The following PCSK5 variants were observed in gnomAD, a reference collection of about 807,000 sequenced individuals.
PCSK5 encodes the protein prohormone convertase 5.
In PCSK5, 129 loss-of-function variants were observed where a neutral mutation model predicts 233.2. The observed-to-expected ratio is 0.55, with a 90% CI of 0.48 to 0.64. PCSK5 has a LOEUF of 0.64. Among genes scored for constraint, PCSK5 ranks in the 30% least tolerant of loss-of-function variants. The pLI, the probability that PCSK5 is intolerant of heterozygous loss-of-function variation, is 0.00. For missense variants in PCSK5, 2,076 were observed against 2,430.1 expected, an observed-to-expected ratio of 0.85 and a Z score of 3.06; for synonymous variants, 825 against 879.2, an observed-to-expected ratio of 0.94 and a Z score of 1.09.
At chr9:76,019,260 C>CT (rs34354774) in intron 3 of PCSK5, among the ~76,000 whole-genome samples, 106,597 of 149,160 alleles carry the variant, frequency 0.71, 38,421 homozygotes, top group African/African-American at 0.83. Flanking sequence ...AATATCAATT[C>CT]TTTTTTTTTT....
intron 32 of PCSK5, 95 bp from the exon 33 acceptor site, chr9:76,327,914 A>G: frequency 7.6e-6 from 6 of 790,080 alleles, no homozygotes; most frequent in Non-Finnish European, 1.4e-5. Context: ...AAGAAATGTG[A>G]AAGGAATGTG....
At chr9:76,041,617 G>A (rs1042266765) in intron 5 of PCSK5, among the ~76,000 whole-genome samples, 22 of 152,132 alleles carry the variant, frequency 1.4e-4, no homozygotes, top group Non-Finnish European at 2.5e-4. Flanking sequence ...CAAGGCGGGC[G>A]GATCACGAGG....
chr9:75,962,749 T>G (rs1825409255), intron 2 of PCSK5, among the ~76,000 whole-genome samples: 1 of 152,156 alleles, frequency 6.6e-6, no homozygotes, highest in African/African-American at 2.4e-5. Flanking sequence ...CATCAGTGAA[T>G]TCACTGATGT....
intron 5 of PCSK5, among the ~76,000 whole-genome samples, chr9:76,063,056 T>C (rs189407640): frequency 6.6e-6 from 1 of 152,284 alleles, no homozygotes; most frequent in East Asian, 1.9e-4. Context: ...TATTTGTCTT[T>C]CTGCTCCTGG....
intron 5 of PCSK5, among the ~76,000 whole-genome samples, chr9:76,063,353 A>G (rs1193357360): frequency 7.1e-5 from 3 of 42,210 alleles, no homozygotes; most frequent in Admixed American, 3.0e-4. Flanking sequence ...TTTTTTATTG[A>G]TAATTCTTGG....
intron 3 of PCSK5, among the ~76,000 whole-genome samples, chr9:76,015,482 A>C (rs1827911280): frequency 6.6e-6 from 1 of 152,192 alleles, no homozygotes; most frequent in Non-Finnish European, 1.5e-5. Context: ...TTTATTATGA[A>C]CTTTAAAGAT....
chr9:76,167,765 C>G (rs377493903), intron 12 of PCSK5, among the ~76,000 whole-genome samples: 1 of 152,140 alleles, frequency 6.6e-6, no homozygotes. Flanking sequence ...TTATAACCAC[C>G]AGTTTGTCTG....
At chr9:76,296,403 C>A (rs73464550) in intron 26 of PCSK5, among the ~76,000 whole-genome samples, 2,437 of 152,218 alleles carry the variant, frequency 0.016, 57 homozygotes, top group African/African-American at 0.053. Context: ...ATAAGCCGTG[C>A]GTGGTGACAC....
At position 75,911,943 on chromosome 9, in the gene PCSK5, A is replaced by G. The variant is rs552474624; in HGVS notation, c.193-20436A>G. Among the ~76,000 whole-genome samples, 9 of 152,316 alleles carry G rather than the reference A, an allele frequency of 5.9e-5. No homozygotes were observed. In the East Asian group the frequency reaches 1.7e-3, roughly 29 times the overall value. On this transcript the variant is annotated intron_variant, in intron 1 of 37. Transcript: ENST00000674117. ...TTCAAGAGGTAGAGATATATATTTCATCTCTTGATAGAAGGAGTTGCATAG... is the reference window on the plus strand; with the variant it reads ...TTCAAGAGGTAGAGATATATATTTCGTCTCTTGATAGAAGGAGTTGCATAG...
intron 9 of PCSK5, among the ~76,000 whole-genome samples, chr9:76,120,239 T>A (rs1216794229): frequency 1.3e-5 from 2 of 152,216 alleles, no homozygotes; most frequent in East Asian, 3.9e-4. Flanking sequence ...TTTATGAGGA[T>A]CTCCTTTAGC....
chr9:76,258,280 G>C (rs953878186), intron 24 of PCSK5, among the ~76,000 whole-genome samples: 1 of 152,106 alleles, frequency 6.6e-6, no homozygotes, highest in Non-Finnish European at 1.5e-5. Flanking sequence ...CTAGTAACCT[G>C]GATCTTCCAC....
intron 17 of PCSK5, among the ~76,000 whole-genome samples, chr9:76,187,442 C>T (rs1824158846): frequency 6.6e-6 from 1 of 151,878 alleles, no homozygotes; most frequent in Non-Finnish European, 1.5e-5. Flanking sequence ...GATCATAGCT[C>T]ACTCAAACTC....
At chr9:76,340,321 C>A (rs1449369561) in intron 35 of PCSK5, among the ~76,000 whole-genome samples, 2 of 152,058 alleles carry the variant, frequency 1.3e-5, no homozygotes, top group Admixed American at 6.6e-5. Context: ...TTCCTAATGT[C>A]TTTTTGCAAA....
chr9:76,255,510 A>G (rs977058321), intron 24 of PCSK5, among the ~76,000 whole-genome samples: 8 of 152,156 alleles, frequency 5.3e-5, no homozygotes, highest in Admixed American at 2.0e-4. Flanking sequence ...TCTTCAATGT[A>G]ATTCTCTCTG....
chr9:76,323,351 C>T lies in PCSK5; in HGVS notation c.4339+63C>T, dbSNP rs1342582167. ...TGCATAGTTCCAGCCCCAGCCCCAG[C>T]GCCAGAGCTGTCATCTCAATCTTTT... is the stretch of plus-strand genomic sequence containing the variant. On this transcript the variant is annotated intron_variant, in intron 32 of 37. Coordinates refer to ENST00000674117, the MANE Select transcript of PCSK5 (RefSeq NM_001372043.1). The T allele has an allele frequency of 8.9e-5, 82 of 926,030 alleles. 1 individual carries two copies. The highest frequency in any genetic ancestry group is 8.5e-4 in the Admixed American group (36 of 42,224). 57.4% of individuals were successfully genotyped at this position (926,030 alleles called of 1,614,324 possible). A position where few individuals can be genotyped will look rare whatever the true frequency, so the allele number is the denominator to read the frequency against.
intron 1 of PCSK5, among the ~76,000 whole-genome samples, chr9:75,921,743 T>A (rs1276496717): frequency 1.3e-5 from 2 of 152,238 alleles, no homozygotes; most frequent in Non-Finnish European, 2.9e-5. Context: ...TAAATGCTCT[T>A]ATCTGAGGAC....
At chr9:76,025,798 C>T (rs1050043290) in intron 4 of PCSK5, among the ~76,000 whole-genome samples, 4 of 152,126 alleles carry the variant, frequency 2.6e-5, no homozygotes, top group Non-Finnish European at 5.9e-5. Flanking sequence ...TTGAAGTAAG[C>T]ATTCATTAAG....
At chr9:76,339,882 C>T (rs1003591277) in intron 35 of PCSK5, among the ~76,000 whole-genome samples, 15 of 152,012 alleles carry the variant, frequency 9.9e-5, no homozygotes, top group Non-Finnish European at 1.6e-4. Flanking sequence ...TAAGATTTTC[C>T]CAGCAGTCCC....
Position 76,328,173 on chromosome 9 carries a change from T to C in PCSK5, c.4504T>C (p.Cys1502Arg). Residue 1502 changes from cysteine (C) to arginine (R), a missense_variant, in exon 33 of 38, where the codon TGC (cysteine) becomes CGC (arginine). Cys to Arg is a radical substitution (Grantham distance 180). Transcript: ENST00000674117. ...CGGGTGCAAGCCCTGCCATGTTAAG[T>C]GCTTCCACTGCATGGGGCCGGCGGA... The part of the protein sequence containing the change: ...APGCKPCHVK[C>R]FHCMGPAEDQ... The C allele has an allele frequency of 6.2e-7, 1 of 1,612,872 alleles. No individual in the cohort carries two copies. The highest frequency in any genetic ancestry group is 1.1e-5 in the South Asian group (1 of 91,076).
Sources: gnomAD v4.1 joint callset for allele counts (sites outside exome capture counted in the v4.1 genomes callset) on GRCh38, gnomAD v4.1.1 for gene constraint, MANE v1.5 for transcripts, NCBI Gene and HGNC (gene_info 2026-07-23, HGNC 2026-07-21) for gene names.